The following CHD7 variants were observed in gnomAD, a reference collection of about 807,000 sequenced individuals.
CHD7 encodes ATP-dependent chromatin remodeler CHD7.
Under a neutral mutation model 307.3 loss-of-function variants are expected in CHD7, and 24 were observed. The ratio of observed to expected loss-of-function variants is 0.08; its 90% CI spans 0.06 to 0.11. The LOEUF is 0.11. Ranked by LOEUF, CHD7 falls within the 10% of genes least tolerant of loss-of-function variation. The probability of loss-of-function intolerance (pLI) is 1.00; values close to 1 mark genes in which losing one functional copy is unlikely to be tolerated. For missense variants in CHD7, 3,106 were observed against 3,727.1 expected, an observed-to-expected ratio of 0.83 and a Z score of 4.34; for synonymous variants, 1,363 against 1,349.9, an observed-to-expected ratio of 1.01 and a Z score of -0.21.
At chr8:60,851,138 C>T (rs1805436828) in intron 27 of CHD7, 34 bp downstream of exon 27, 1 of 1,509,102 alleles carries the variant, frequency 6.6e-7, no homozygotes, top group South Asian at 1.2e-5. Context: ...TTTATAGCTC[C>T]ATTAAAATAT....
intron 2 of CHD7, among the ~76,000 whole-genome samples, chr8:60,761,017 A>G (rs1810169159): frequency 6.6e-6 from 1 of 152,202 alleles, no homozygotes; most frequent in Non-Finnish European, 1.5e-5. Flanking sequence ...ACTATAAATC[A>G]TGCTGCTATA....
At chr8:60,808,645 C>G (rs1028905906) in intron 7 of CHD7, 2 of 191,406 alleles carry the variant, frequency 1.0e-5, no homozygotes, top group African/African-American at 4.8e-5. Flanking sequence ...GCCCTAGAGA[C>G]AAGAACTCTC....
chr8:60,851,169 G>C, intron 27 of CHD7, 65 bp downstream of exon 27: 1 of 1,483,946 alleles, frequency 6.7e-7, no homozygotes, highest in Non-Finnish European at 9.2e-7. Context: ...CATAAGACTT[G>C]TTAAACTTTA....
At position 60,741,929 on chromosome 8, in the gene CHD7, A is replaced by AGCCGCAGCC; in HGVS notation, c.498_506dup (p.Pro170_Pro172dup). ...GCCCCCTACCAGCAGCAGCAGCCAC[A>AGCCGCAGCC]GCCGCAGCCACCGCAGCCGGCTCCG... On this transcript the variant is annotated inframe_insertion, in exon 2 of 38. Transcript: ENST00000423902. 6.2e-7 allele frequency: 1 copy of AGCCGCAGCC among 1,613,102 alleles called. No individual in the cohort carries two copies. The highest frequency in any genetic ancestry group is 2.2e-5 in the East Asian group (1 of 44,852).
At chr8:60,792,642 A>C (rs1037259937) in intron 3 of CHD7, among the ~76,000 whole-genome samples, 5 of 152,180 alleles carry the variant, frequency 3.3e-5, no homozygotes, top group African/African-American at 1.2e-4. Flanking sequence ...GCAGATGGAA[A>C]ATCATTAGCA....
chr8:60,813,848 T>G (rs1439093575), intron 7 of CHD7, among the ~76,000 whole-genome samples: 1 of 151,392 alleles, frequency 6.6e-6, no homozygotes, highest in East Asian at 1.9e-4. Context: ...GTATTATAAA[T>G]ATAAATATTT....
At chr8:60,694,148 T>A (rs1158737133) in intron 1 of CHD7, among the ~76,000 whole-genome samples, 2 of 152,236 alleles carry the variant, frequency 1.3e-5, no homozygotes, top group Non-Finnish European at 2.9e-5. Context: ...GAATGGCAAT[T>A]TCGGTGTGAG....
intron 2 of CHD7, among the ~76,000 whole-genome samples, chr8:60,758,572 C>A (rs943073678): frequency 6.6e-6 from 1 of 152,144 alleles, no homozygotes; most frequent in Non-Finnish European, 1.5e-5. Flanking sequence ...TAAATAAACA[C>A]CATGAGTTAC....
intron 1 of CHD7, among the ~76,000 whole-genome samples, chr8:60,693,200 G>A (rs778557839): frequency 6.6e-6 from 1 of 152,150 alleles, no homozygotes; most frequent in Non-Finnish European, 1.5e-5. Context: ...CCCCCTTGGC[G>A]GTCAGAGCGC....
chr8:60,835,233 C>T (rs181855626), intron 15 of CHD7, among the ~76,000 whole-genome samples: 1 of 152,308 alleles, frequency 6.6e-6, no homozygotes, highest in East Asian at 1.9e-4. Context: ...AAGCGTGTGT[C>T]AGGCAGGGAT....
chr8:60,816,912 G>A (rs971435922), intron 8 of CHD7, among the ~76,000 whole-genome samples: 11 of 152,210 alleles, frequency 7.2e-5, no homozygotes, highest in Admixed American at 1.3e-4. Context: ...TTTTGTTGAA[G>A]TCAATGCCTA....
At chr8:60,771,498 T>A (rs1377846003) in intron 2 of CHD7, among the ~76,000 whole-genome samples, 1 of 152,218 alleles carries the variant, frequency 6.6e-6, no homozygotes, top group Non-Finnish European at 1.5e-5. Context: ...AGATTTCAGA[T>A]TTTTAGATTA....
At position 60,781,015 on chromosome 8, in the gene CHD7, C is replaced by A. The variant is rs1231245538; in HGVS notation, c.1681C>A (p.Pro561Thr). ...TGTCTCTCAGCATTCCCCGTCGGAG[C>A]CCTTTCTAGAGAAACCAGTGCCGGA... ...VPVHQHSPSE[P>T]FLEKPVPDMT... The change falls in exon 3 of 38, where the codon CCC becomes ACC. Residue 561 changes from proline to threonine, a missense_variant. Physicochemically the swap from Pro to Thr is conservative, Grantham distance 38. Coordinates refer to ENST00000423902, the MANE Select transcript of CHD7 (RefSeq NM_017780.4). The A allele has an allele frequency of 6.4e-6, 10 of 1,560,766 alleles. No homozygotes were observed. Among genetic ancestry groups the A allele is most frequent in the Non-Finnish European group, 8.6e-6 (10 of 1,158,686 alleles).
intron 1 of CHD7, among the ~76,000 whole-genome samples, chr8:60,734,754 G>A (rs1563553419): frequency 6.6e-6 from 1 of 152,138 alleles, no homozygotes; most frequent in Non-Finnish European, 1.5e-5. Flanking sequence ...AGGGAGTTGA[G>A]AATGGACAGG....
At chr8:60,682,033 A>G (rs912711934) in intron 1 of CHD7, among the ~76,000 whole-genome samples, 6 of 152,240 alleles carry the variant, frequency 3.9e-5, no homozygotes, top group African/African-American at 1.4e-4. Flanking sequence ...CAGGAATGGT[A>G]GAGTGGTTGT....
At chr8:60,799,998 C>A (rs1812217648) in intron 4 of CHD7, among the ~76,000 whole-genome samples, 1 of 151,720 alleles carries the variant, frequency 6.6e-6, no homozygotes, top group Admixed American at 6.6e-5. Context: ...TAAAAAAATT[C>A]ATCCTTCCAC....
At chr8:60,692,635 T>C (rs13261519) in intron 1 of CHD7, among the ~76,000 whole-genome samples, 18,319 of 152,172 alleles carry the variant, frequency 0.12, 2,268 homozygotes, top group African/African-American at 0.32. Context: ...AGGAAGCACA[T>C]AAGGCAGCTT....
intron 19 of CHD7, among the ~76,000 whole-genome samples, chr8:60,839,896 C>T (rs969195466): frequency 3.3e-5 from 5 of 152,106 alleles, no homozygotes; most frequent in African/African-American, 9.7e-5. Context: ...TTTAATGAAG[C>T]CCAGTTTACC....
intron 2 of CHD7, among the ~76,000 whole-genome samples, chr8:60,766,239 A>G (rs1051620051): frequency 6.6e-6 from 1 of 152,154 alleles, no homozygotes; most frequent in African/African-American, 2.4e-5. Flanking sequence ...AGGTAGAAGG[A>G]TGTGTAGCTT....
Sources: gnomAD v4.1 joint callset for allele counts (sites outside exome capture counted in the v4.1 genomes callset) on GRCh38, gnomAD v4.1.1 for gene constraint, MANE v1.5 for transcripts, NCBI Gene and HGNC (gene_info 2026-07-23, HGNC 2026-07-21) for gene names.